The following CDH17 variants were observed in gnomAD, a reference collection of about 807,000 sequenced individuals.
The protein encoded by CDH17 is cadherin 17.
Under a neutral mutation model 86.3 loss-of-function variants are expected in CDH17, and 67 were observed. The ratio of observed to expected loss-of-function variants is 0.78; its 90% confidence interval spans 0.64 to 0.95. The LOEUF is 0.95. Ranked by LOEUF, CDH17 falls within the 40% of genes least tolerant of loss-of-function variation. The pLI, the probability that CDH17 is intolerant of heterozygous loss-of-function variation, is 0.00. For missense variants in CDH17, 993 were observed against 1,017.6 expected, an observed-to-expected ratio of 0.98 and a Z score of 0.33; for synonymous variants, 367 against 366.4, an observed-to-expected ratio of 1.00 and a Z score of -0.02.
intron 17 of CDH17, 104 bp from the exon 18 acceptor site, chr8:94,128,444 A>G (rs1812346243): frequency 2.8e-6 from 2 of 710,312 alleles, no homozygotes. Context: ...ACTCAACTTC[A>G]TTTTTGTATG....
In CDH17 at chr8:94,165,778, A is replaced by C; in HGVS notation, c.1265T>G (p.Ile422Arg). Residue 422 changes from isoleucine to arginine, a missense_variant, in exon 10 of 18, where the codon ATA becomes AGA. Coordinates refer to ENST00000027335, the MANE Select transcript of CDH17 (RefSeq NM_004063.4). ...ATACTAACCTTTGTCAGACACCTCT[A>C]TCGTTAAGTTGTACTGAGGAGTATC... is the stretch of plus-strand genomic sequence containing the variant. ...KQDTPQYNLT[I>R]EVSDKDFKTL... is the part of the protein sequence containing the mutation. 1 of 1,610,884 alleles carries C rather than the reference A, an allele frequency of 6.2e-7. No individual in the cohort carries two copies. Among genetic ancestry groups the C allele is most frequent in the South Asian group, 1.1e-5 (1 of 91,040 alleles).
chr8:94,198,822 G>C (rs534924017), intron 1 of CDH17, among the ~76,000 whole-genome samples: 23 of 152,114 alleles, frequency 1.5e-4, no homozygotes, highest in South Asian at 1.5e-3. Flanking sequence ...CCTCATTTCT[G>C]CTTCTCACAT....
chr8:94,168,115 T>TAC (rs1813194453), intron 9 of CDH17, among the ~76,000 whole-genome samples: 1 of 21,334 alleles, frequency 4.7e-5, no homozygotes, highest in African/African-American at 1.7e-4. Flanking sequence ...TATATATATA[T>TAC]ATATATATAT....
chr8:94,141,272 A>G (rs1039174110), intron 15 of CDH17, among the ~76,000 whole-genome samples: 3 of 37,860 alleles, frequency 7.9e-5, no homozygotes, highest in Admixed American at 2.6e-4. Context: ...CCAATTTAGG[A>G]AAAAAAAAAC....
intron 2 of CDH17, among the ~76,000 whole-genome samples, chr8:94,191,079 G>A (rs1813679296): frequency 6.6e-6 from 1 of 152,054 alleles, no homozygotes; most frequent in South Asian, 2.1e-4. Flanking sequence ...TAGGAAGGTG[G>A]CCAAGTGGCC....
chr8:94,180,908 C>T lies in CDH17; in HGVS notation c.151-3187G>A, dbSNP rs141973936. On this transcript the variant is annotated intron_variant, in intron 3 of 17. Coordinates refer to ENST00000027335, the MANE Select transcript of CDH17 (RefSeq NM_004063.4). Reference sequence around the variant, plus strand: ...AGATTCCCAGAGTGAGACTCCGTCTCGAACAAAAACAAGCAAACAAACAAA... The same window carrying T: ...AGATTCCCAGAGTGAGACTCCGTCTTGAACAAAAACAAGCAAACAAACAAA... Among the ~76,000 whole-genome samples the T allele has an allele frequency of 1.1e-3, 141 of 130,692 alleles. 1 individual carries two copies. The highest frequency in any genetic ancestry group is 4.9e-3 in the Middle Eastern group (1 of 204). The allele number at this position is 130,692 out of a possible 152,430, so 85.7% of individuals were successfully genotyped here. A position where few individuals can be genotyped will look rare whatever the true frequency, so the allele number is the denominator to read the frequency against.
At chr8:94,160,893 T>C (rs1285851097) in intron 11 of CDH17, among the ~76,000 whole-genome samples, 2 of 152,170 alleles carry the variant, frequency 1.3e-5, no homozygotes, top group African/African-American at 2.4e-5. Flanking sequence ...AGCTAGTGGG[T>C]CAAAGGGATT....
At position 94,189,204 on chromosome 8, in the gene CDH17, T is replaced by G; in HGVS notation, c.133A>C (p.Ser45Arg). The G allele has an allele frequency of 6.2e-7, 1 of 1,612,770 alleles. No homozygotes were observed. The highest frequency in any genetic ancestry group is 8.5e-7 in the Non-Finnish European group (1 of 1,179,406). Residue 45 changes from serine (S) to arginine (R), a missense_variant, in exon 3 of 18, where the codon AGT (serine) becomes CGT (arginine). Physicochemically the swap from Ser to Arg is moderately radical, Grantham distance 110 (BLOSUM62 -1). Transcript: ENST00000027335. ...TFSIYEGQEPSQIIFQFKANP... is the reference protein window; with the variant it reads ...TFSIYEGQEPRQIIFQFKANP... ...GCTTTTACCTGGAATATAATTTGAC[T>G]CGGTTCTTGGCCTTCATAAATAGAA...
chr8:94,134,340 T>C (rs182249046), intron 15 of CDH17, among the ~76,000 whole-genome samples: 495 of 152,332 alleles, frequency 3.2e-3, no homozygotes, highest in Non-Finnish European at 5.4e-3. Flanking sequence ...GAGCCTGTTA[T>C]TGGTCTATTC....
upstream of CDH17, among the ~76,000 whole-genome samples, chr8:94,209,169 A>C (rs1033543345): frequency 2.6e-5 from 4 of 152,104 alleles, no homozygotes; most frequent in African/African-American, 9.7e-5. Context: ...CCCACAATTC[A>C]GGGAATGGAT....
In CDH17 at chr8:94,199,063, ATATATATATATATATATATATTTT is replaced by A. The variant is rs1158721226; in HGVS notation, c.-20-4382_-20-4359del. ...GATATATATATATATATATATATAT[ATATATATATATATATATATATTTT>A]TTTTTTTTTATCATTTGTCTGTTAG... On this transcript the variant is annotated intron_variant, in intron 1 of 17. Coordinates refer to ENST00000027335, the MANE Select transcript of CDH17 (RefSeq NM_004063.4). Among the ~76,000 whole-genome samples, 60 of 21,230 alleles carry A rather than the reference ATATATATATATATATATATATTTT, an allele frequency of 2.8e-3. 1 individual carries two copies. The highest frequency in any genetic ancestry group is 0.038 in the Middle Eastern group (1 of 26). The allele number at this position is 21,230 out of a possible 152,430, so 13.9% of individuals were successfully genotyped here. A position where few individuals can be genotyped will look rare whatever the true frequency, so the allele number is the denominator to read the frequency against.
At chr8:94,131,080 T>G in intron 15 of CDH17, 88 bp from the exon 16 acceptor site, 3 of 733,930 alleles carry the variant, frequency 4.1e-6, no homozygotes, top group Non-Finnish European at 7.2e-6. Flanking sequence ...ATACTAAGGT[T>G]GACTGGAACA....
At chr8:94,161,718 G>T (rs1306180920) in intron 11 of CDH17, among the ~76,000 whole-genome samples, 1 of 152,068 alleles carries the variant, frequency 6.6e-6, no homozygotes, top group South Asian at 2.1e-4. Flanking sequence ...GGCTAAAAAT[G>T]CTTGAGACCT....
chr8:94,197,426 G>A (rs547671435), intron 1 of CDH17: 101 of 152,352 alleles, frequency 6.6e-4, no homozygotes, highest in African/African-American at 2.2e-3. Context: ...CAGAAAGCTG[G>A]CCTAGCAACG....
rs1490361501 is a variant in CDH17 at position 94,177,750 on chromosome 8, T to C, written c.151-29A>G. The C allele has an allele frequency of 2.5e-6, 4 of 1,608,764 alleles. No homozygotes were observed. The African/African-American group carries it at 5.4e-5, about 22-fold the overall frequency. ...GGGAAAAAGCAAAAAACAGATTAAG[T>C]TGTAAGGGAAAAAACAATGTTGTGG... On this transcript the variant is annotated intron_variant, in intron 3 of 17. Coordinates refer to ENST00000027335, the MANE Select transcript of CDH17 (RefSeq NM_004063.4).
chr8:94,165,915 A>G lies in CDH17; in HGVS notation c.1128T>C (p.Phe376=). Residue 376 remains phenylalanine (F), a synonymous_variant, in exon 10 of 18, where the codon TTT becomes TTC. Transcript: ENST00000027335. ...DRDEENTANS[F]LNYRIVEQTP... Reference sequence around the variant, plus strand: ...TTTGCTCCACAATCCTGTAGTTTAGAAAACTGTTGGCAGTATTTTCTTCAT... The same window carrying G: ...TTTGCTCCACAATCCTGTAGTTTAGGAAACTGTTGGCAGTATTTTCTTCAT... The G allele has an allele frequency of 6.2e-7, 1 of 1,613,936 alleles. No individual in the cohort carries two copies. Among genetic ancestry groups the G allele is most frequent in the Non-Finnish European group, 8.5e-7 (1 of 1,179,882 alleles).
At chr8:94,208,908 G>T (rs1408388861), upstream of CDH17, among the ~76,000 whole-genome samples, 1 of 152,158 alleles carries the variant, frequency 6.6e-6, no homozygotes, top group African/African-American at 2.4e-5. Context: ...CTTAGCACAG[G>T]AGACTTGATC....
chr8:94,167,127 A>G (rs1032109492), intron 9 of CDH17, among the ~76,000 whole-genome samples: 2 of 152,158 alleles, frequency 1.3e-5, no homozygotes, highest in Non-Finnish European at 2.9e-5. Flanking sequence ...AAGATAACAC[A>G]GGGCAGGGAC....
chr8:94,170,780 TC>T, intron 8 of CDH17, 73 bp downstream of exon 8: 2 of 1,514,056 alleles, frequency 1.3e-6, no homozygotes, highest in Non-Finnish European at 1.8e-6. Flanking sequence ...TAAAGTAAAA[TC>T]CATTTTGCTC....
Sources: allele counts gnomAD v4.1 joint callset (sites outside exome capture counted in the v4.1 genomes callset), GRCh38; gene constraint gnomAD v4.1.1; transcripts MANE v1.5; gene names NCBI Gene and HGNC (gene_info 2026-07-23, HGNC 2026-07-21).